The following SLC1A7 variants were observed in gnomAD, a reference collection of about 807,000 sequenced individuals.
SLC1A7 encodes the protein solute carrier family 1 member 7.
SLC1A7 carries 40 observed loss-of-function variants against 47.7 expected under a neutral mutation model. The ratio of observed to expected loss-of-function variants is 0.84; its 90% CI spans 0.65 to 1.09. SLC1A7 has a LOEUF of 1.09. SLC1A7 is among the 50% of genes least tolerant of loss of function. The pLI is 0.00. For missense variants in SLC1A7, 746 were observed against 769.5 expected (o/e 0.97, Z 0.36); for synonymous variants, 323 against 325.6 (o/e 0.99, Z 0.09).
rs532883213 is a variant in SLC1A7, at chr1:53,127,836, T to C, written c.215+6514A>G. Among the ~76,000 whole-genome samples the C allele has an allele frequency of 3.2e-3, 493 of 152,298 alleles. 3 individuals carry two copies. Among genetic ancestry groups the C allele is most frequent in the Non-Finnish European group, 5.4e-3 (364 of 68,012 alleles). On this transcript the variant is annotated intron_variant, in intron 2 of 10. Coordinates refer to ENST00000371494, the MANE Select transcript of SLC1A7 (RefSeq NM_006671.6). ...AGCCATGGGGAATCACTTCTGTCCA[T>C]GCCTGAGGGAGCATGGAGGCGGATT...
intron 4 of SLC1A7, among the ~76,000 whole-genome samples, chr1:53,105,074 G>A (rs371262734): frequency 3.0e-4 from 45 of 152,162 alleles, no homozygotes; most frequent in African/African-American, 1.0e-3. Context: ...GTGAAAAAAA[G>A]CAAGATGAAA....
At chr1:53,089,732 C>T (rs763948629) in intron 9 of SLC1A7, 68 bp downstream of exon 9, 12 of 1,556,002 alleles carry the variant, frequency 7.7e-6, no homozygotes, top group Non-Finnish European at 1.1e-5. Context: ...AGCCGCTCAC[C>T]CTGATCCCTG....
chr1:53,102,030 A>G (rs937170282), intron 5 of SLC1A7, among the ~76,000 whole-genome samples: 2 of 152,206 alleles, frequency 1.3e-5, no homozygotes, highest in African/African-American at 4.8e-5. Context: ...GTTGAGTCCA[A>G]GGGTCTCCGG....
intron 2 of SLC1A7, among the ~76,000 whole-genome samples, chr1:53,121,900 T>G (rs886743956): frequency 6.6e-6 from 1 of 152,014 alleles, no homozygotes; most frequent in Non-Finnish European, 1.5e-5. Flanking sequence ...TGGAGGCTGC[T>G]GCAGACCTGC....
chr1:53,122,813 A>G (rs983572157), intron 2 of SLC1A7, among the ~76,000 whole-genome samples: 1 of 152,116 alleles, frequency 6.6e-6, no homozygotes, highest in Non-Finnish European at 1.5e-5. Flanking sequence ...TGGTGTCACA[A>G]TGAAATCCGC....
chr1:53,101,568 T>C, intron 5 of SLC1A7, among the ~76,000 whole-genome samples: 1 of 108,970 alleles, frequency 9.2e-6, no homozygotes, highest in Non-Finnish European at 1.9e-5. Context: ...GGTACACCCA[T>C]GCCTACTCGG....
At position 53,105,744 on chromosome 1, in the gene SLC1A7, G is replaced by A. The variant is rs1015465750; in HGVS notation, c.462C>T (p.Ala154=). 4 of 1,613,000 alleles carry A rather than the reference G, an allele frequency of 2.5e-6. No homozygotes were observed. Among genetic ancestry groups the A allele is most frequent in the South Asian group, 2.2e-5 (2 of 91,014 alleles). The change falls in exon 4 of 11, where the codon GCC becomes GCT. Residue 154 remains alanine, a synonymous_variant. Transcript: ENST00000371494. ...RNMFPANLVE[A]TFKQYRTKTT... ...GAGACTCACTCACCTGTTTGAATGT[G>A]GCTTCTACTAGGTTGGCTGGGAACA...
chr1:53,091,374 C>T (rs1644419625), intron 7 of SLC1A7, among the ~76,000 whole-genome samples: 1 of 152,200 alleles, frequency 6.6e-6, no homozygotes, highest in Non-Finnish European at 1.5e-5. Context: ...GTCTTCCTCT[C>T]CCCCGGGCCT....
intron 1 of SLC1A7, among the ~76,000 whole-genome samples, chr1:53,139,608 C>T (rs1645035642): frequency 6.6e-6 from 1 of 152,228 alleles, no homozygotes; most frequent in African/African-American, 2.4e-5. Context: ...CTCACCCTGC[C>T]TAGTGCAGCA....
intron 2 of SLC1A7, among the ~76,000 whole-genome samples, chr1:53,126,928 A>G (rs1644888626): frequency 6.6e-6 from 1 of 152,022 alleles, no homozygotes; most frequent in Non-Finnish European, 1.5e-5. Flanking sequence ...AATGGCATGA[A>G]CATGGCTCAC....
At chr1:53,110,145 C>T (rs1644686912) in intron 3 of SLC1A7, among the ~76,000 whole-genome samples, 1 of 152,226 alleles carries the variant, frequency 6.6e-6, no homozygotes, top group Non-Finnish European at 1.5e-5. Context: ...TCATGCCCTG[C>T]AGCCTCCTCA....
At chr1:53,107,710 A>G (rs1433798979) in intron 3 of SLC1A7, among the ~76,000 whole-genome samples, 1 of 152,114 alleles carries the variant, frequency 6.6e-6, no homozygotes, top group East Asian at 1.9e-4. Flanking sequence ...TACCTTCACT[A>G]TCTCCTCTCA....
intron 3 of SLC1A7, among the ~76,000 whole-genome samples, chr1:53,106,580 G>A (rs909043286): frequency 2.8e-5 from 4 of 143,614 alleles, no homozygotes; most frequent in Admixed American, 7.0e-5. Context: ...AGCCTGGGCG[G>A]CAGAGCAAGA....
intron 1 of SLC1A7, among the ~76,000 whole-genome samples, chr1:53,140,112 C>T (rs1218206040): frequency 2.6e-5 from 4 of 152,150 alleles, no homozygotes; most frequent in African/African-American, 9.7e-5. Context: ...AGAGAAATCC[C>T]AGATTTCAAA....
At chr1:53,139,607 C>T (rs1014687413) in intron 1 of SLC1A7, among the ~76,000 whole-genome samples, 2 of 152,222 alleles carry the variant, frequency 1.3e-5, no homozygotes, top group African/African-American at 2.4e-5. Flanking sequence ...CCTCACCCTG[C>T]CTAGTGCAGC....
chr1:53,103,834 A>G (rs995448402), intron 4 of SLC1A7, among the ~76,000 whole-genome samples: 1 of 151,780 alleles, frequency 6.6e-6, no homozygotes, highest in Non-Finnish European at 1.5e-5. Flanking sequence ...TCATCACCCC[A>G]TCTGGGTCCC....
Position 53,092,879 on chromosome 1 carries a change from C to T in SLC1A7, c.798-92G>A, listed in dbSNP as rs975883618. The T allele has an allele frequency of 3.8e-6, 3 of 797,706 alleles. No homozygotes were observed. The South Asian group carries it at 4.6e-5, about 12-fold the overall frequency. 49.4% of individuals were successfully genotyped at this position (797,706 alleles called of 1,614,324 possible). A position where few individuals can be genotyped will look rare whatever the true frequency, so the allele number is the denominator to read the frequency against. On this transcript the variant is annotated intron_variant, in intron 6 of 10. Coordinates refer to ENST00000371494, the MANE Select transcript of SLC1A7 (RefSeq NM_006671.6). Reference sequence around the variant, plus strand: ...ATCGCTGCGCGGCCTTCCCCCTGAGCTTCCTGGGGCTCCTGCGAGGACAGA... The same window carrying T: ...ATCGCTGCGCGGCCTTCCCCCTGAGTTTCCTGGGGCTCCTGCGAGGACAGA...
chr1:53,134,441 G>T lies in SLC1A7; in HGVS notation c.136-12C>A. On this transcript the variant is annotated splice_polypyrimidine_tract_variant and intron_variant, in intron 1 of 10. Transcript: ENST00000371494. Reference sequence around the variant, plus strand: ...AAGTAACTAATTTCCTGAAAACACAGTAAGAACTGGGGTTATAGCAAGAGA... The same window carrying T: ...AAGTAACTAATTTCCTGAAAACACATTAAGAACTGGGGTTATAGCAAGAGA... The T allele has an allele frequency of 6.3e-7, 1 of 1,585,282 alleles. No individual in the cohort carries two copies. Among genetic ancestry groups the T allele is most frequent in the Non-Finnish European group, 8.7e-7 (1 of 1,155,086 alleles).
chr1:53,123,911 T>TCGCCAA (rs1307359644), intron 2 of SLC1A7, among the ~76,000 whole-genome samples: 1 of 152,212 alleles, frequency 6.6e-6, no homozygotes, highest in Non-Finnish European at 1.5e-5. Flanking sequence ...AAACTGTGGC[T>TCGCCAA]ACCCCCTGAC....
Sources: gnomAD v4.1 joint callset for allele counts (sites outside exome capture counted in the v4.1 genomes callset) on GRCh38, gnomAD v4.1.1 for gene constraint, MANE v1.5 for transcripts, NCBI Gene and HGNC (gene_info 2026-07-23, HGNC 2026-07-21) for gene names.